The following GRIPAP1 variants were observed in gnomAD, a reference collection of about 807,000 sequenced individuals.
The protein encoded by GRIPAP1 is GRIP1-associated protein 1.
Under a neutral mutation model 84.1 loss-of-function variants are expected in GRIPAP1, and 14 were observed. That is an observed-to-expected ratio of 0.17 (90% CI 0.11 to 0.26). GRIPAP1 has a LOEUF of 0.26. GRIPAP1 is among the 10% of genes least tolerant of loss of function. The pLI is 1.00. For synonymous variants in GRIPAP1, 261 were observed against 256.8 expected (o/e 1.02, Z -0.15); for missense variants, 518 against 674.2 (o/e 0.77, Z 2.57).
chrX:48,978,247 G>A (rs371052504), intron 22 of GRIPAP1, 58 bp downstream of exon 22: 1 of 1,168,676 alleles, frequency 8.6e-7, no homozygotes. Context: ...AAGGGGAGGG[G>A]TTCTCAGATT....
chrX:49,001,134 G>C (rs1828890774), intron 1 of GRIPAP1, among the ~76,000 whole-genome samples: 1 of 111,505 alleles, frequency 9.0e-6, no homozygotes, highest in African/African-American at 3.3e-5. Flanking sequence ...ACCCTTCAGG[G>C]TAGGCCTCTA....
intron 5 of GRIPAP1, among the ~76,000 whole-genome samples, chrX:48,995,205 G>A (rs1270856984): frequency 2.7e-5 from 3 of 112,041 alleles, no homozygotes; most frequent in Non-Finnish European, 5.6e-5. Flanking sequence ...GAGGAGGAAG[G>A]GGACTATGTA....
chrX:48,989,646 G>T lies in GRIPAP1; in HGVS notation c.835C>A (p.Gln279Lys). ...GCCTCAAGTTCCTGCTGCAGCTTCT[G>T]GGTTCGAGCCAACTGGGCTTTGTGA... ...ADHKAQLART[Q>K]KLQQELEAAN... Residue 279 changes from glutamine (Q) to lysine (K), a missense_variant, in exon 11 of 26, where the codon CAG (glutamine) becomes AAG (lysine). Coordinates refer to ENST00000376423, the MANE Select transcript of GRIPAP1 (RefSeq NM_020137.5). 1 of 1,205,876 alleles carries T rather than the reference G, an allele frequency of 8.3e-7. No individual in the cohort carries two copies. Among genetic ancestry groups the T allele is most frequent in the Non-Finnish European group, 1.1e-6 (1 of 890,223 alleles).
intron 21 of GRIPAP1, among the ~76,000 whole-genome samples, chrX:48,980,088 C>A (rs1463780353): frequency 4.5e-5 from 5 of 110,910 alleles, no homozygotes; most frequent in Non-Finnish European, 7.6e-5. Flanking sequence ...CCGTAGGTAT[C>A]CCGAGTGGGG....
intron 13 of GRIPAP1, among the ~76,000 whole-genome samples, chrX:48,986,229 C>T (rs1288847833): frequency 7.5e-4 from 41 of 54,700 alleles, no homozygotes; most frequent in Non-Finnish European, 1.3e-3. Context: ...ACAACAAGAC[C>T]GAAACTCCGT....
At chrX:48,988,240 C>T (rs1557064517) in intron 11 of GRIPAP1, 42 bp from the exon 12 acceptor site, 2 of 967,887 alleles carry the variant, frequency 2.1e-6, no homozygotes, top group South Asian at 2.1e-5. Flanking sequence ...TCAGCCTCTC[C>T]TGGGGTGCAT....
chrX:48,980,017 T>C (rs1272292188), intron 21 of GRIPAP1, among the ~76,000 whole-genome samples: 1 of 111,514 alleles, frequency 9.0e-6, no homozygotes, highest in Non-Finnish European at 1.9e-5. Context: ...CACATCTGTT[T>C]TGCCACATCA....
At position 48,981,577 on chromosome X, in the gene GRIPAP1, C is replaced by A; in HGVS notation, c.1773+19G>T. On this transcript the variant is annotated intron_variant, in intron 19 of 25. Coordinates refer to ENST00000376423, the MANE Select transcript of GRIPAP1 (RefSeq NM_020137.5). The stretch of plus-strand genomic sequence containing the variant: ...CTGAGGATCAGGGGTGTGTCTGGGG[C>A]TGTGCAGTGACCACTGACCTGCTTC... The A allele has an allele frequency of 1.0e-5, 12 of 1,176,595 alleles. No individual in the cohort carries two copies. Among genetic ancestry groups the A allele is most frequent in the Non-Finnish European group, 1.4e-5 (12 of 863,667 alleles).
chrX:49,000,346 C>A, intron 1 of GRIPAP1, among the ~76,000 whole-genome samples: 1 of 59,911 alleles, frequency 1.7e-5, no homozygotes, highest in East Asian at 6.0e-4. Context: ...GCCTGGGTGA[C>A]AGAGTGAGAC....
At chrX:48,984,805 G>T (rs781820410) in intron 14 of GRIPAP1, among the ~76,000 whole-genome samples, 2 of 104,390 alleles carry the variant, frequency 1.9e-5, no homozygotes, top group Non-Finnish European at 3.9e-5. Context: ...GGCAGATCAC[G>T]AGGTCAGGAG....
Position 48,976,130 on chromosome X carries a change from CACCT to C in GRIPAP1, c.2185-23_2185-20del. The C allele has an allele frequency of 8.3e-7, 1 of 1,207,023 alleles. No individual in the cohort carries two copies. The highest frequency in any genetic ancestry group is 1.1e-6 in the Non-Finnish European group (1 of 891,883). ...GCTTCACCTGCAAGATGGCCCAGCC[CACCT>C]GAGACCCCTCTACTGTACATGTTCA... On this transcript the variant is annotated intron_variant, in intron 23 of 25. Coordinates refer to ENST00000376423, the MANE Select transcript of GRIPAP1 (RefSeq NM_020137.5).
intron 1 of GRIPAP1, among the ~76,000 whole-genome samples, chrX:49,000,221 C>T (rs1006289936): frequency 1.2e-4 from 13 of 107,830 alleles, no homozygotes; most frequent in Admixed American, 3.0e-4. Flanking sequence ...AAAAATTAGC[C>T]GGGTGTGGTG....
In GRIPAP1 at chrX:48,993,554, C is replaced by T; in HGVS notation, c.331G>A (p.Glu111Lys). 8.5e-7 allele frequency: 1 copy of T among 1,172,348 alleles called. No homozygotes were observed. The highest frequency in any genetic ancestry group is 1.1e-6 in the Non-Finnish European group (1 of 874,783). Residue 111 changes from glutamate to lysine, a missense_variant, in exon 6 of 26, where the codon GAG becomes AAG. Coordinates refer to ENST00000376423, the MANE Select transcript of GRIPAP1 (RefSeq NM_020137.5). ...SKLCSQMEQL[E>K]QENQQLKEGA... Reference sequence around the variant, plus strand: ...TCCTTCAGTTGCTGGTTCTCTTGCTCCAGCTGTTCCATCTGGCTGCAGAGC... The same window carrying T: ...TCCTTCAGTTGCTGGTTCTCTTGCTTCAGCTGTTCCATCTGGCTGCAGAGC...
chrX:48,984,075 C>T (rs1569519584), intron 14 of GRIPAP1, among the ~76,000 whole-genome samples: 1 of 111,730 alleles, frequency 9.0e-6, no homozygotes, highest in Non-Finnish European at 1.9e-5. Flanking sequence ...AATTTATCAT[C>T]GGGCATACAG....
Position 48,974,289 on chromosome X carries a change from A to G in GRIPAP1, c.2434-4T>C. The G allele has an allele frequency of 8.6e-7, 1 of 1,169,040 alleles. No individual in the cohort carries two copies. The highest frequency in any genetic ancestry group is 1.2e-6 in the Non-Finnish European group (1 of 857,433). The stretch of plus-strand genomic sequence containing the variant: ...CCTGGGACAGAACTTCCATATCCTA[A>G]GAAACAAATGAACCATCAGGGGCCA... On this transcript the variant is annotated splice_polypyrimidine_tract_variant and splice_region_variant and intron_variant, in intron 25 of 25. Transcript: ENST00000376423.
intron 15 of GRIPAP1, 34 bp downstream of exon 15, chrX:48,983,741 C>T (rs1232416309): frequency 1.2e-6 from 1 of 848,271 alleles, no homozygotes; most frequent in Non-Finnish European, 1.8e-6. Flanking sequence ...TTCCTACCCC[C>T]CATCCTCTCC....
intron 1 of GRIPAP1, 90 bp from the exon 2 acceptor site, chrX:48,999,594 CT>C: frequency 1.7e-6 from 1 of 595,835 alleles, no homozygotes; most frequent in Non-Finnish European, 2.8e-6. Context: ...CTCCACAGAC[CT>C]TACGCCCTCC....
rs1317347019 is a variant in GRIPAP1, at chrX:48,974,088, C to T, written c.*105G>A. 2 of 508,343 alleles carry T rather than the reference C, an allele frequency of 3.9e-6. No homozygotes were observed. The highest frequency in any genetic ancestry group is 6.2e-5 in the Admixed American group (2 of 32,246). The allele number at this position is 508,343 out of a possible 1,213,427, so 41.9% of individuals were successfully genotyped here. A position where few individuals can be genotyped will look rare whatever the true frequency, so the allele number is the denominator to read the frequency against. On this transcript the variant is annotated 3_prime_UTR_variant, in exon 26 of 26. Coordinates refer to ENST00000376423, the MANE Select transcript of GRIPAP1 (RefSeq NM_020137.5). Reference sequence around the variant, plus strand: ...CTAGCCCCTTTAATGTCCAGTCTCCCAAGCTATTTGATTTTGGCTCCAGCC... The same window carrying T: ...CTAGCCCCTTTAATGTCCAGTCTCCTAAGCTATTTGATTTTGGCTCCAGCC...
intron 5 of GRIPAP1, among the ~76,000 whole-genome samples, chrX:48,995,296 CT>C (rs1440236313): frequency 5.4e-5 from 6 of 111,723 alleles, no homozygotes; most frequent in African/African-American, 2.0e-4. Context: ...ATGTCTGCCC[CT>C]GCCTCACTCT....
Sources: allele counts gnomAD v4.1 joint callset (sites outside exome capture counted in the v4.1 genomes callset), GRCh38; gene constraint gnomAD v4.1.1; transcripts MANE v1.5; gene names NCBI Gene and HGNC (gene_info 2026-07-23, HGNC 2026-07-21).